Variants in LARGE1 observed in about 807,000 individuals in gnomAD.
LARGE1 encodes the protein xylosyl- and glucuronyltransferase LARGE1.
In LARGE1, 43 loss-of-function variants were observed where a neutral mutation model predicts 87.6. The ratio of observed to expected loss-of-function variants is 0.49; its 90% CI spans 0.38 to 0.63. The LOEUF (loss-of-function observed/expected upper bound fraction) is 0.63, where lower values mean the gene tolerates loss of function less well. Among genes scored for constraint, LARGE1 ranks in the 30% least tolerant of loss-of-function variants. LARGE1 has a pLI of 0.00. For synonymous variants in LARGE1, 434 were observed against 394.6 expected (o/e 1.10, Z -1.18); for missense variants, 802 against 1,000.2 (o/e 0.80, Z 2.67).
chr22:33,372,318 T>A (rs2064840391), intron 9 of LARGE1, among the ~76,000 whole-genome samples: 1 of 152,200 alleles, frequency 6.6e-6, no homozygotes, highest in African/African-American at 2.4e-5. Context: ...TTAAGGTTAC[T>A]AAGAATAAAA....
chr22:33,848,945 A>G (rs1284629358), intron 1 of LARGE1, among the ~76,000 whole-genome samples: 3 of 152,180 alleles, frequency 2.0e-5, no homozygotes, highest in Non-Finnish European at 2.9e-5. Context: ...CCTCCACCCC[A>G]GCCTGTCCTG....
At chr22:33,719,894 T>G (rs1370582329) in intron 2 of LARGE1, among the ~76,000 whole-genome samples, 1 of 152,122 alleles carries the variant, frequency 6.6e-6, no homozygotes, top group Non-Finnish European at 1.5e-5. Flanking sequence ...TACAATTGCC[T>G]CCGGTAGTCA....
chr22:33,312,247 T>G (rs1011589437), intron 11 of LARGE1, among the ~76,000 whole-genome samples: 3 of 152,016 alleles, frequency 2.0e-5, no homozygotes, highest in Non-Finnish European at 4.4e-5. Flanking sequence ...ATTGAGACCA[T>G]GCTGGCCAAC....
intron 7 of LARGE1, among the ~76,000 whole-genome samples, chr22:33,405,370 T>C (rs1569135243): frequency 1.3e-5 from 2 of 152,230 alleles, no homozygotes; most frequent in African/African-American, 4.8e-5. Flanking sequence ...TCAGGGCTGC[T>C]ACATTCTTGT....
At chr22:33,144,443 A>C in the LARGE1 span, among the ~76,000 whole-genome samples, 1 of 152,158 alleles carries the variant, frequency 6.6e-6, no homozygotes, top group African/African-American at 2.4e-5. Context: ...TAGTTGTTGC[A>C]TATATTGAGT....
At chr22:33,721,086 T>C (rs1354269817) in intron 2 of LARGE1, among the ~76,000 whole-genome samples, 5 of 152,208 alleles carry the variant, frequency 3.3e-5, no homozygotes, top group Admixed American at 2.6e-4. Flanking sequence ...GGAAGTGGAA[T>C]TCAACAGTGT....
intron 1 of LARGE1, among the ~76,000 whole-genome samples, chr22:33,782,164 T>C (rs1359095332): frequency 3.3e-5 from 5 of 152,166 alleles, no homozygotes; most frequent in Admixed American, 3.3e-4. Flanking sequence ...GTTTGTTTTA[T>C]CCTCCTCCTC....
intron 6 of LARGE1, among the ~76,000 whole-genome samples, chr22:33,533,601 G>T (rs1010900729): frequency 5.3e-5 from 8 of 152,068 alleles, no homozygotes; most frequent in Admixed American, 5.2e-4. Context: ...GTAATAAATG[G>T]GCTAATATCA....
At chr22:33,761,878 C>T (rs1320102022) in intron 1 of LARGE1, among the ~76,000 whole-genome samples, 1 of 152,040 alleles carries the variant, frequency 6.6e-6, no homozygotes, top group African/African-American at 2.4e-5. Flanking sequence ...ATTTAGTTAG[C>T]ACCTGTTATG....
chr22:33,894,500 G>A (rs115171394), intron 1 of LARGE1, among the ~76,000 whole-genome samples: 2,423 of 152,198 alleles, frequency 0.016, 46 homozygotes, highest in African/African-American at 0.045. Flanking sequence ...TCCCCTACCC[G>A]ACACTGTCCC....
intron 11 of LARGE1, among the ~76,000 whole-genome samples, chr22:33,243,735 T>C (rs1926625952): frequency 6.6e-6 from 1 of 152,248 alleles, no homozygotes; most frequent in African/African-American, 2.4e-5. Flanking sequence ...TTTGTGGGCA[T>C]ATGTTCTTAT....
chr22:33,332,710 C>T (rs969672588), intron 10 of LARGE1, among the ~76,000 whole-genome samples: 1 of 152,162 alleles, frequency 6.6e-6, no homozygotes, highest in Non-Finnish European at 1.5e-5. Flanking sequence ...CTGCAGATAA[C>T]ACTTGACGCG....
chr22:33,768,575 G>T (rs942530148), intron 1 of LARGE1, among the ~76,000 whole-genome samples: 1 of 151,940 alleles, frequency 6.6e-6, no homozygotes, highest in African/African-American at 2.4e-5. Flanking sequence ...GTCTAGTCCC[G>T]GAGGCTCTCC....
At chr22:33,403,375 T>A (rs939040899) in intron 7 of LARGE1, among the ~76,000 whole-genome samples, 3 of 152,198 alleles carry the variant, frequency 2.0e-5, no homozygotes, top group African/African-American at 7.2e-5. Context: ...TGTGTTAACA[T>A]CAATAACTGT....
chr22:33,615,580 T>C (rs2079557911), intron 4 of LARGE1, among the ~76,000 whole-genome samples: 1 of 151,842 alleles, frequency 6.6e-6, no homozygotes, highest in Non-Finnish European at 1.5e-5. Context: ...AAAGGGTCCA[T>C]TCCTACCAGA....
chr22:33,410,902 A>C (rs1342403820), intron 7 of LARGE1, among the ~76,000 whole-genome samples: 1 of 152,214 alleles, frequency 6.6e-6, no homozygotes, highest in Non-Finnish European at 1.5e-5. Context: ...AAATCTAAGC[A>C]ATTAGTACTG....
At chr22:33,290,909 C>T (rs961679385) in intron 12 of LARGE1, among the ~76,000 whole-genome samples, 14 of 151,886 alleles carry the variant, frequency 9.2e-5, no homozygotes, top group East Asian at 1.9e-4. Flanking sequence ...TGTGGTGGTG[C>T]GTGTCTATAA....
At chr22:33,886,059 T>A (rs2064835300) in intron 1 of LARGE1, among the ~76,000 whole-genome samples, 1 of 150,752 alleles carries the variant, frequency 6.6e-6, no homozygotes. Flanking sequence ...AAATAAAAGA[T>A]GTGAGCCCCA....
At chr22:33,088,044 C>G in the LARGE1 span, among the ~76,000 whole-genome samples, 1 of 150,286 alleles carries the variant, frequency 6.7e-6, no homozygotes, top group Non-Finnish European at 1.5e-5. Flanking sequence ...TTGGACAGCA[C>G]AGGCCTAACA....
Sources: allele counts gnomAD v4.1 joint callset (sites outside exome capture counted in the v4.1 genomes callset), GRCh38; gene constraint gnomAD v4.1.1; transcripts MANE v1.5; gene names NCBI Gene and HGNC (gene_info 2026-07-23, HGNC 2026-07-21).